CRNKL1: variants seen among roughly 807,000 people sequenced by gnomAD.
CRNKL1 encodes crooked neck pre-mRNA splicing factor 1, also known as crooked neck-like protein 1.
CRNKL1 carries 35 observed loss-of-function variants against 103.7 expected under a neutral mutation model. The ratio of observed to expected loss-of-function variants is 0.34; its 90% CI spans 0.26 to 0.45. The LOEUF is 0.45. Ranked by LOEUF, CRNKL1 falls within the 20% of genes least tolerant of loss-of-function variation. The pLI is 1.00. For synonymous variants in CRNKL1, 267 were observed against 282.6 expected, an observed-to-expected ratio of 0.94 and a Z score of 0.55; for missense variants, 645 against 836.0, an observed-to-expected ratio of 0.77 and a Z score of 2.82.
intron 3 of CRNKL1, among the ~76,000 whole-genome samples, chr20:20,049,001 A>G (rs913398010): frequency 3.3e-5 from 5 of 151,956 alleles, no homozygotes; most frequent in Admixed American, 3.3e-4. Context: ...CCAGATTGCA[A>G]TTTTTATTTT....
chr20:20,049,600 G>A (rs1372316906), intron 2 of CRNKL1, among the ~76,000 whole-genome samples, 169 bp from the exon 3 acceptor site: 4 of 152,186 alleles, frequency 2.6e-5, no homozygotes, highest in African/African-American at 7.2e-5. Context: ...GAAGGTTACA[G>A]TCAACTAACT....
At chr20:20,051,143 G>A (rs186484126) in intron 1 of CRNKL1, among the ~76,000 whole-genome samples, 11 of 152,296 alleles carry the variant, frequency 7.2e-5, no homozygotes, top group East Asian at 1.9e-4. Flanking sequence ...ACGTAGCTTA[G>A]AGCTGTGCTG....
intron 2 of CRNKL1, 118 bp downstream of exon 2, chr20:20,050,352 T>C (rs2043668302): frequency 1.3e-6 from 1 of 776,046 alleles, no homozygotes; most frequent in East Asian, 2.6e-5. Flanking sequence ...ACATTATTCA[T>C]GCGTCTGGAA....
intron 11 of CRNKL1, among the ~76,000 whole-genome samples, 192 bp downstream of exon 11, chr20:20,039,417 G>C (rs974653495): frequency 1.3e-5 from 2 of 152,088 alleles, no homozygotes; most frequent in Admixed American, 1.3e-4. Flanking sequence ...CTACTGCTCT[G>C]GTATCTAATG....
At chr20:20,052,190 T>C in intron 1 of CRNKL1, 102 bp downstream of exon 1, 1 of 1,020,688 alleles carries the variant, frequency 9.8e-7, no homozygotes, top group Non-Finnish European at 1.4e-6. Flanking sequence ...AGGGTGAGCC[T>C]TCTCCCCGGC....
chr20:20,047,849 G>T lies in CRNKL1; in HGVS notation c.538C>A (p.Pro180Thr). 1 of 1,614,112 alleles carries T rather than the reference G, an allele frequency of 6.2e-7. No homozygotes were observed. The highest frequency in any genetic ancestry group is 8.5e-7 in the Non-Finnish European group (1 of 1,180,030). ...TAGGAGTGCCAGGCTTGCTCCTCAG[G>T]CTGCCACTCCATCCAGCGCTCAAAC... ...QVFERWMEWQ[P>T]EEQAWHSYIN... is the part of the protein sequence containing the mutation. The change falls in exon 5 of 14, where the codon CCT becomes ACT. Residue 180 changes from proline to threonine, a missense_variant. Pro to Thr is a conservative substitution (Grantham distance 38, BLOSUM62 -1). Around this residue, in one of 2 missense-constraint regions of CRNKL1, gnomAD observed 582 missense variants for 707.7 expected, o/e 0.82. Transcript: ENST00000536226.
chr20:20,049,547 A>G, intron 2 of CRNKL1, 116 bp from the exon 3 acceptor site: 2 of 597,242 alleles, frequency 3.3e-6, no homozygotes, highest in South Asian at 2.2e-5. Flanking sequence ...TATTTAAGAG[A>G]AATTACATCC....
intron 11 of CRNKL1, among the ~76,000 whole-genome samples, chr20:20,038,882 C>CAGGT (rs1288293189): frequency 6.6e-6 from 1 of 152,176 alleles, no homozygotes; most frequent in Non-Finnish European, 1.5e-5. Flanking sequence ...ATTCACTGAA[C>CAGGT]AGGTGCGCAC....
In CRNKL1 at chr20:20,036,090, C is replaced by A; in HGVS notation, c.*105G>T. 1.7e-6 allele frequency: 2 copies of A among 1,152,892 alleles called. No individual in the cohort carries two copies. The highest frequency in any genetic ancestry group is 2.4e-6 in the Non-Finnish European group (2 of 827,660). 71.4% of individuals were successfully genotyped at this position (1,152,892 alleles called of 1,614,324 possible). A position where few individuals can be genotyped will look rare whatever the true frequency, so the allele number is the denominator to read the frequency against. ...CTTAAAAAGTAGCCATCAAAGATAC[C>A]AATCAATTTCTTACTGGTGAAATAT... On this transcript the variant is annotated 3_prime_UTR_variant, in exon 14 of 14. Coordinates refer to ENST00000536226, the MANE Select transcript of CRNKL1 (RefSeq NM_001278628.2).
chr20:20,041,823 G>C (rs2043518982), intron 8 of CRNKL1, among the ~76,000 whole-genome samples, 198 bp from the exon 9 acceptor site: 1 of 152,176 alleles, frequency 6.6e-6, no homozygotes, highest in Non-Finnish European at 1.5e-5. Context: ...TCACCAACAA[G>C]ATAGCCACCA....
chr20:20,042,650 T>C (rs2146491579), intron 7 of CRNKL1, 134 bp from the exon 8 acceptor site: 1 of 776,902 alleles, frequency 1.3e-6, no homozygotes, highest in East Asian at 2.7e-5. Flanking sequence ...TACATGTTCT[T>C]TCATTTTAAA....
chr20:20,052,616 A>G (rs1331926649), upstream of CRNKL1: 1 of 1,613,766 alleles, frequency 6.2e-7, no homozygotes, highest in Non-Finnish European at 8.5e-7. Flanking sequence ...GCTGACTAGC[A>G]GCGACGCAAG....
At chr20:20,037,675 G>A (rs1030038084) in intron 12 of CRNKL1, 104 bp from the exon 13 acceptor site, 9 of 1,047,840 alleles carry the variant, frequency 8.6e-6, no homozygotes, top group Middle Eastern at 2.9e-4. Flanking sequence ...GGAAAGTAAT[G>A]TGTGCATCAC....
upstream of CRNKL1, chr20:20,052,496 A>T (rs147964176): frequency 1.2e-4 from 193 of 1,614,066 alleles, no homozygotes; most frequent in Admixed American, 1.5e-4. Flanking sequence ...CTCTCGCTTG[A>T]GCCGTGACGG....
chr20:20,052,790 A>G (rs550504172), upstream of CRNKL1: 2 of 1,451,104 alleles, frequency 1.4e-6, no homozygotes, highest in Admixed American at 2.3e-5. Flanking sequence ...GAGAGCGAGG[A>G]AACTACCATT....
At chr20:20,042,266 G>T in intron 8 of CRNKL1, 59 bp downstream of exon 8, 1 of 1,410,552 alleles carries the variant, frequency 7.1e-7, no homozygotes, top group Non-Finnish European at 9.6e-7. Flanking sequence ...CAATAGGTGA[G>T]CTGTGAATAC....
intron 2 of CRNKL1, among the ~76,000 whole-genome samples, chr20:20,049,661 ATTACCT>A (rs2043653378): frequency 6.6e-6 from 1 of 152,184 alleles, no homozygotes; most frequent in African/African-American, 2.4e-5. Flanking sequence ...GTTTTTGACT[ATTACCT>A]TTAAGTCCTC....
At chr20:20,040,013 C>G (rs773869775) in intron 10 of CRNKL1, among the ~76,000 whole-genome samples, 165 bp from the exon 11 acceptor site, 2 of 152,184 alleles carry the variant, frequency 1.3e-5, no homozygotes, top group African/African-American at 2.4e-5. Context: ...TGGTTCTTGA[C>G]AAAAGGCTGA....
upstream of CRNKL1, chr20:20,052,468 G>T (rs77988877): frequency 1.1e-3 from 1,779 of 1,614,252 alleles, 19 homozygotes; most frequent in African/African-American, 0.021. Flanking sequence ...AGCGGAACTT[G>T]CAGGACTGAC....
Sources: gnomAD v4.1 joint callset for allele counts (sites outside exome capture counted in the v4.1 genomes callset) on GRCh38, gnomAD v4.1.1 for gene constraint, gnomAD v4.1.1 regional missense constraint, MANE v1.5 for transcripts, NCBI Gene and HGNC (gene_info 2026-07-23, HGNC 2026-07-21) for gene names.